KLHL1: variants seen among roughly 807,000 people sequenced by gnomAD.
KLHL1 encodes the protein kelch-like protein 1.
In KLHL1, 47 loss-of-function variants were observed where a neutral mutation model predicts 77.7. The observed-to-expected ratio is 0.60, with a 90% CI of 0.48 to 0.77. KLHL1 has a LOEUF of 0.77. Ranked by LOEUF, KLHL1 falls within the 30% of genes least tolerant of loss-of-function variation. The pLI, the probability that KLHL1 is intolerant of heterozygous loss-of-function variation, is 0.00. For missense variants in KLHL1, 925 were observed against 910.8 expected (o/e 1.02, Z -0.20); for synonymous variants, 360 against 325.2 (o/e 1.11, Z -1.15).
intron 4 of KLHL1, among the ~76,000 whole-genome samples, chr13:69,930,309 A>C (rs1053129123): frequency 1.3e-5 from 2 of 151,838 alleles, no homozygotes; most frequent in African/African-American, 4.8e-5. Context: ...GGTATTTTTT[A>C]TTCTAAATGT....
intron 3 of KLHL1, among the ~76,000 whole-genome samples, chr13:69,960,686 A>G (rs1884034561): frequency 4.6e-5 from 1 of 21,834 alleles, no homozygotes; most frequent in Non-Finnish European, 1.1e-4. Context: ...TACAATTAAT[A>G]CTACAATTAA....
chr13:69,828,945 C>T (rs2138091605), intron 6 of KLHL1, among the ~76,000 whole-genome samples: 1 of 150,412 alleles, frequency 6.6e-6, no homozygotes, highest in South Asian at 2.1e-4. Context: ...TAACCCTGCA[C>T]CCACCAAGCC....
At chr13:69,925,568 T>A (rs1481148254) in intron 4 of KLHL1, among the ~76,000 whole-genome samples, 1 of 152,182 alleles carries the variant, frequency 6.6e-6, no homozygotes, top group African/African-American at 2.4e-5. Flanking sequence ...GATTATTTAA[T>A]TTACTAGAAG....
intron 7 of KLHL1, among the ~76,000 whole-genome samples, chr13:69,795,800 T>C (rs1877078545): frequency 6.6e-6 from 1 of 152,140 alleles, no homozygotes; most frequent in Non-Finnish European, 1.5e-5. Flanking sequence ...GGTTACCCCA[T>C]AGCAGGGAAC....
At chr13:69,763,945 G>A (rs1265626149) in intron 7 of KLHL1, among the ~76,000 whole-genome samples, 2 of 151,110 alleles carry the variant, frequency 1.3e-5, no homozygotes, top group Non-Finnish European at 3.0e-5. Context: ...TTTTTCTATT[G>A]TTCTGTTTTC....
intron 7 of KLHL1, among the ~76,000 whole-genome samples, chr13:69,775,192 G>A (rs977061661): frequency 2.6e-5 from 4 of 151,976 alleles, no homozygotes; most frequent in Non-Finnish European, 5.9e-5. Flanking sequence ...ATGCATTCCT[G>A]CCTAAACATA....
intron 7 of KLHL1, among the ~76,000 whole-genome samples, chr13:69,740,865 A>T (rs1444672946): frequency 6.6e-6 from 1 of 152,130 alleles, no homozygotes; most frequent in Non-Finnish European, 1.5e-5. Flanking sequence ...TAGTATTATG[A>T]CCTAGATGCT....
intron 4 of KLHL1, among the ~76,000 whole-genome samples, chr13:69,923,688 A>C (rs886888746): frequency 4.6e-5 from 7 of 152,342 alleles, no homozygotes; most frequent in African/African-American, 1.7e-4. Flanking sequence ...GAGAGACAAT[A>C]TAGTACTGAT....
intron 5 of KLHL1, among the ~76,000 whole-genome samples, chr13:69,871,009 C>T (rs1400652259): frequency 6.6e-6 from 1 of 152,096 alleles, no homozygotes; most frequent in East Asian, 1.9e-4. Context: ...TCTCACAGTT[C>T]CACAGGGAAG....
intron 4 of KLHL1, among the ~76,000 whole-genome samples, chr13:69,888,083 G>T (rs1335844367): frequency 2.0e-5 from 3 of 152,136 alleles, no homozygotes; most frequent in Non-Finnish European, 2.9e-5. Flanking sequence ...GGCACCATCA[G>T]ATTTGTTGTT....
chr13:69,927,214 T>C (rs1229559790), intron 4 of KLHL1, among the ~76,000 whole-genome samples: 1 of 151,956 alleles, frequency 6.6e-6, no homozygotes, highest in African/African-American at 2.4e-5. Context: ...GATACACACA[T>C]GCAAAATAAT....
chr13:69,831,266 T>C (rs1878750280), intron 6 of KLHL1, among the ~76,000 whole-genome samples: 2 of 149,646 alleles, frequency 1.3e-5, no homozygotes, highest in African/African-American at 5.0e-5. Context: ...ACAGGAGATA[T>C]TACAACTGAT....
intron 4 of KLHL1, among the ~76,000 whole-genome samples, chr13:69,888,453 T>C (rs189237521): frequency 1.2e-4 from 19 of 152,200 alleles, no homozygotes; most frequent in Middle Eastern, 3.4e-3. Flanking sequence ...ATGACTGTGG[T>C]CTTTCTAAGA....
chr13:70,107,851 T>A lies in KLHL1; in HGVS notation c.-152A>T, dbSNP rs1888113690. Reference sequence around the variant, plus strand: ...AGAAGACGCTAGGTGGGCTGCGCGCTCTGCCAGGCGAAGGCTGGAGCGCAG... The same window carrying A: ...AGAAGACGCTAGGTGGGCTGCGCGCACTGCCAGGCGAAGGCTGGAGCGCAG... On this transcript the variant is annotated 5_prime_UTR_variant, in exon 1 of 11. Transcript: ENST00000377844. 1 of 608,498 alleles carries A rather than the reference T, an allele frequency of 1.6e-6. No homozygotes were observed. The highest frequency in any genetic ancestry group is 2.7e-6 in the Non-Finnish European group (1 of 369,318). The allele number at this position is 608,498 out of a possible 1,614,324, so 37.7% of individuals were successfully genotyped here. A position where few individuals can be genotyped will look rare whatever the true frequency, so the allele number is the denominator to read the frequency against.
intron 1 of KLHL1, among the ~76,000 whole-genome samples, chr13:70,024,626 C>CTCTCTCTTTCTCTCTT (rs1240513808): frequency 3.1e-5 from 2 of 64,612 alleles, no homozygotes; most frequent in African/African-American, 1.9e-4. Context: ...AGATTTCTCT[C>CTCTCTCTTTCTCTCTT]TCTCTCTCTC....
intron 1 of KLHL1, among the ~76,000 whole-genome samples, chr13:70,098,603 AG>A (rs1471229550): frequency 6.6e-6 from 1 of 151,910 alleles, no homozygotes; most frequent in African/African-American, 2.4e-5. Context: ...ATGAAATGGC[AG>A]GACATTTAGT....
At chr13:70,000,795 C>T (rs1160847573) in intron 1 of KLHL1, among the ~76,000 whole-genome samples, 2 of 150,976 alleles carry the variant, frequency 1.3e-5, no homozygotes, top group South Asian at 2.1e-4. Flanking sequence ...AAATAGTGTG[C>T]AGACTTATAT....
intron 3 of KLHL1, among the ~76,000 whole-genome samples, chr13:69,956,158 T>TTGATATATA (rs1883881873): frequency 7.1e-6 from 1 of 139,908 alleles, no homozygotes; most frequent in African/African-American, 2.7e-5. Flanking sequence ...TTATATATAT[T>TTGATATATA]TGATATATAT....
intron 1 of KLHL1, among the ~76,000 whole-genome samples, chr13:69,977,428 G>A (rs1884575975): frequency 6.6e-6 from 1 of 151,640 alleles, no homozygotes; most frequent in Non-Finnish European, 1.5e-5. Context: ...AACAAATGAC[G>A]GTATGAAAAA....
Sources: allele counts gnomAD v4.1 joint callset (sites outside exome capture counted in the v4.1 genomes callset), GRCh38; gene constraint gnomAD v4.1.1; transcripts MANE v1.5; gene names NCBI Gene and HGNC (gene_info 2026-07-23, HGNC 2026-07-21).